OBI1: variants seen among roughly 807,000 people sequenced by gnomAD.
The protein encoded by OBI1 is ring finger protein 219.
OBI1 carries 59 observed loss-of-function variants against 62.4 expected under a neutral mutation model. That is an observed-to-expected ratio of 0.95 (90% CI 0.77 to 1.17). OBI1 has a LOEUF of 1.17. Ranked by LOEUF, OBI1 falls within the 50% of genes most tolerant of loss-of-function variation. OBI1 has a pLI of 0.00. For missense variants in OBI1, 875 were observed against 830.9 expected, an observed-to-expected ratio of 1.05 and a Z score of -0.65; for synonymous variants, 302 against 292.8, an observed-to-expected ratio of 1.03 and a Z score of -0.32.
At chr13:78,640,603 A>T (rs1050741119) in intron 3 of OBI1, among the ~76,000 whole-genome samples, 3 of 152,080 alleles carry the variant, frequency 2.0e-5, no homozygotes, top group Non-Finnish European at 4.4e-5. Context: ...GTTCAAGACT[A>T]GCCTGGCCAA....
chr13:78,658,898 G>A, intron 1 of OBI1, 151 bp downstream of exon 1: 1 of 641,142 alleles, frequency 1.6e-6, no homozygotes, highest in Admixed American at 2.3e-5. Context: ...CCATCTCCCA[G>A]GACGCGGCCT....
chr13:78,655,776 T>TA (rs1008070689), intron 1 of OBI1, among the ~76,000 whole-genome samples: 5 of 152,120 alleles, frequency 3.3e-5, no homozygotes, highest in African/African-American at 1.2e-4. Flanking sequence ...CAATTATCTT[T>TA]AAAAAAGAGC....
At chr13:78,650,847 A>G (rs1183593249) in intron 1 of OBI1, among the ~76,000 whole-genome samples, 2 of 151,900 alleles carry the variant, frequency 1.3e-5, no homozygotes, top group Non-Finnish European at 1.5e-5. Context: ...TCCACTACAC[A>G]CTTGCTCCTC....
chr13:78,641,833 T>TA (rs541000531), intron 3 of OBI1, among the ~76,000 whole-genome samples: 3,299 of 132,230 alleles, frequency 0.025, 52 homozygotes, highest in Non-Finnish European at 0.035. Context: ...AATTTTAACT[T>TA]AAAAAAAAAA....
intron 1 of OBI1, among the ~76,000 whole-genome samples, chr13:78,650,437 T>C (rs1009628826): frequency 6.6e-6 from 1 of 152,202 alleles, no homozygotes; most frequent in Admixed American, 6.5e-5. Context: ...TCTTATCTGA[T>C]GTGTTCTATT....
At chr13:78,621,368 A>G (rs1283204602) in intron 5 of OBI1, among the ~76,000 whole-genome samples, 1 of 152,232 alleles carries the variant, frequency 6.6e-6, no homozygotes, top group African/African-American at 2.4e-5. Flanking sequence ...GTGCTTCATG[A>G]TCAGTGACCC....
intron 5 of OBI1, among the ~76,000 whole-genome samples, chr13:78,629,162 G>A (rs1215411314): frequency 6.6e-6 from 1 of 151,964 alleles, no homozygotes; most frequent in Non-Finnish European, 1.5e-5. Context: ...CCCCCAAAAG[G>A]AGCTGAGGCA....
intron 3 of OBI1, among the ~76,000 whole-genome samples, chr13:78,640,104 C>CA (rs934483341): frequency 2.2e-4 from 33 of 151,054 alleles, no homozygotes; most frequent in Admixed American, 4.6e-4. Context: ...GATTCCATTT[C>CA]AAAAAAGAAC....
Position 78,620,618 on chromosome 13 carries a change from G to C in OBI1, c.639-3496C>G, listed in dbSNP as rs1396400692. ...TAACTGATACATACATTCTGGATGA[G>C]AGAGAAAAGGATGCCAGTTCCCCTT... On this transcript the variant is annotated intron_variant, in intron 5 of 5. Transcript: ENST00000282003. The C allele has an allele frequency of 8.2e-6, 3 of 366,724 alleles. No homozygotes were observed. The Admixed American group carries it at 8.5e-5, about 10-fold the overall frequency. 22.7% of individuals were successfully genotyped at this position (366,724 alleles called of 1,614,324 possible). A position where few individuals can be genotyped will look rare whatever the true frequency, so the allele number is the denominator to read the frequency against.
intron 1 of OBI1, among the ~76,000 whole-genome samples, chr13:78,653,901 T>C (rs372420604): frequency 6.6e-6 from 1 of 152,110 alleles, no homozygotes; most frequent in East Asian, 1.9e-4. Context: ...AAAATGACTA[T>C]GGTAGGGGCA....
chr13:78,654,743 A>G (rs534000716), intron 1 of OBI1, among the ~76,000 whole-genome samples: 7 of 152,338 alleles, frequency 4.6e-5, no homozygotes, highest in Admixed American at 3.9e-4. Context: ...AAGGAAGCTG[A>G]TTTCATTTCT....
Position 78,616,879 on chromosome 13 carries a change from T to C in OBI1, c.882A>G (p.Gln294=). The C allele has an allele frequency of 6.2e-7, 1 of 1,614,218 alleles. No individual in the cohort carries two copies. The highest frequency in any genetic ancestry group is 8.5e-7 in the Non-Finnish European group (1 of 1,180,030). Residue 294 remains glutamine (Q), a synonymous_variant, in exon 6 of 6, where the codon CAA becomes CAG. Transcript: ENST00000282003. ...CAGGCTGCTTTCTGGCACTATCGCC[T>C]TGATTCTTTGACACCACATCCTCCT... ...GSEEDVVSKN[Q]GDSARKQPGS...
At chr13:78,620,958 G>A (rs1344092275) in intron 5 of OBI1, among the ~76,000 whole-genome samples, 1 of 152,188 alleles carries the variant, frequency 6.6e-6, no homozygotes, top group African/African-American at 2.4e-5. Context: ...ATGGGTAAAT[G>A]CAGCAAGCCC....
intron 5 of OBI1, among the ~76,000 whole-genome samples, chr13:78,622,565 G>A (rs115702031): frequency 0.01 from 1,528 of 152,282 alleles, 26 homozygotes; most frequent in African/African-American, 0.034. Context: ...CTAAATTTCA[G>A]AAATATTAGG....
chr13:78,639,291 T>C (rs887730070), intron 3 of OBI1, among the ~76,000 whole-genome samples: 4 of 152,252 alleles, frequency 2.6e-5, no homozygotes. Flanking sequence ...GTTGCCTTCA[T>C]TTTAATTCAA....
chr13:78,616,731 G>A lies in OBI1; in HGVS notation c.1030C>T (p.Leu344=). The A allele has an allele frequency of 6.2e-7, 1 of 1,614,146 alleles. No individual in the cohort carries two copies. The highest frequency in any genetic ancestry group is 8.5e-7 in the Non-Finnish European group (1 of 1,180,018). ...ATTACTTCTACCTGTTCTTGATATAGGTCTTTGTTCTTAGAACAGTTAAGG... is the reference window on the plus strand; with the variant it reads ...ATTACTTCTACCTGTTCTTGATATAAGTCTTTGTTCTTAGAACAGTTAAGG... The part of the protein sequence containing the change: ...ADLNCSKNKD[L]YQEQVEVMLD... The change falls in exon 6 of 6, where the codon CTA becomes TTA. Residue 344 remains leucine, a synonymous_variant. Transcript: ENST00000282003.
chr13:78,645,600 A>G (rs1397840951), intron 1 of OBI1, among the ~76,000 whole-genome samples: 1 of 152,202 alleles, frequency 6.6e-6, no homozygotes, highest in Non-Finnish European at 1.5e-5. Flanking sequence ...AAATACACAA[A>G]TCTTTGACTC....
Position 78,615,671 on chromosome 13 carries a change from T to G in OBI1, c.2090A>C (p.Glu697Ala). The G allele has an allele frequency of 6.2e-7, 1 of 1,614,124 alleles. No individual in the cohort carries two copies. Among genetic ancestry groups the G allele is most frequent in the Non-Finnish European group, 8.5e-7 (1 of 1,179,980 alleles). The part of the protein sequence containing the change: ...QSPWSTSFVP[E>A]KRNKNVNQST... ...TTGATTCACATTTTTATTCCTCTTTTCAGGCACAAAGGAAGTAGACCAAGG... is the reference window on the plus strand; with the variant it reads ...TTGATTCACATTTTTATTCCTCTTTGCAGGCACAAAGGAAGTAGACCAAGG... Residue 697 changes from glutamate (E) to alanine (A), a missense_variant, in exon 6 of 6, where the codon GAA becomes GCA. Transcript: ENST00000282003.
intron 5 of OBI1, among the ~76,000 whole-genome samples, chr13:78,629,754 C>T (rs547271752): frequency 3.2e-4 from 49 of 152,238 alleles, no homozygotes; most frequent in Non-Finnish European, 6.2e-4. Context: ...GGATGTGACA[C>T]GCTTCACATT....
Sources: allele counts gnomAD v4.1 joint callset (sites outside exome capture counted in the v4.1 genomes callset), GRCh38; gene constraint gnomAD v4.1.1; transcripts MANE v1.5; gene names NCBI Gene and HGNC (gene_info 2026-07-23, HGNC 2026-07-21).